The following SAP130 variants were observed in gnomAD, a reference collection of about 807,000 sequenced individuals.
The protein encoded by SAP130 is histone deacetylase complex subunit SAP130.
In SAP130, 16 loss-of-function variants were observed where a neutral mutation model predicts 103.2. That is an observed-to-expected ratio of 0.16 (90% CI 0.10 to 0.24). The LOEUF is 0.24. Ranked by LOEUF, SAP130 falls within the 10% of genes least tolerant of loss-of-function variation. The pLI is 1.00. For missense variants in SAP130, 990 were observed against 1,359.7 expected, an observed-to-expected ratio of 0.73 and a Z score of 4.28; for synonymous variants, 477 against 497.0, an observed-to-expected ratio of 0.96 and a Z score of 0.53.
At chr2:127,990,379 CAA>C (rs1682704153) in intron 12 of SAP130, among the ~76,000 whole-genome samples, 1 of 147,718 alleles carries the variant, frequency 6.8e-6, no homozygotes, top group Non-Finnish European at 1.5e-5. Flanking sequence ...AAAAAGAAAA[CAA>C]GAGCATTCAC....
chr2:128,017,546 A>T (rs1485670135), intron 3 of SAP130, 134 bp downstream of exon 3: 15 of 735,696 alleles, frequency 2.0e-5, no homozygotes, highest in Non-Finnish European at 3.1e-5. Flanking sequence ...TACAGAAAGG[A>T]GCTGAACTCA....
intron 11 of SAP130, among the ~76,000 whole-genome samples, chr2:127,993,797 C>T (rs115066287): frequency 0.011 from 1,628 of 152,150 alleles, 24 homozygotes; most frequent in African/African-American, 0.038. Context: ...CAGGCTGGAG[C>T]GTAGTGGTTA....
At chr2:128,022,833 T>G (rs1685245813) in intron 2 of SAP130, among the ~76,000 whole-genome samples, 1 of 147,662 alleles carries the variant, frequency 6.8e-6, no homozygotes, top group African/African-American at 2.5e-5. Flanking sequence ...TAAGTTCTTG[T>G]TTTTTTTTTT....
intron 6 of SAP130, among the ~76,000 whole-genome samples, chr2:128,012,060 C>T (rs995903321): frequency 2.0e-5 from 3 of 152,186 alleles, no homozygotes; most frequent in Admixed American, 6.5e-5. Context: ...ACAATCCGCC[C>T]GCCTTGGCCT....
chr2:127,987,849 T>C (rs1682510078), intron 13 of SAP130, among the ~76,000 whole-genome samples: 1 of 152,192 alleles, frequency 6.6e-6, no homozygotes, highest in Non-Finnish European at 1.5e-5. Context: ...ATATTTTAAC[T>C]ATACACTTAA....
At chr2:128,027,275 C>A (rs1239491561) in intron 1 of SAP130, 3 of 1,170,116 alleles carry the variant, frequency 2.6e-6, no homozygotes, top group Non-Finnish European at 3.2e-6. Context: ...ACCCGGCCGC[C>A]GCTGTGCTCG....
chr2:127,987,296 T>C (rs1013927114), intron 13 of SAP130, among the ~76,000 whole-genome samples: 6 of 152,226 alleles, frequency 3.9e-5, no homozygotes, highest in Non-Finnish European at 7.3e-5. Context: ...GTGATTCTCC[T>C]GCCTTAACCA....
chr2:128,016,543 G>T lies in SAP130; in HGVS notation c.353C>A (p.Pro118His). ...ACGGCTAGGCATGGTGGGCTTCGGG[G>T]GCGGCTGCAAACAGAAAACCACACA... ...LSFSEGLMKP[P>H]PKPTMPSRPI... Residue 118 changes from proline to histidine, a missense_variant, in exon 4 of 21, where the codon CCC becomes CAC. Around this residue, in one of 6 missense-constraint regions of SAP130, gnomAD observed 167 missense variants for 187.4 expected, o/e 0.89. Transcript: ENST00000643581. 6.2e-7 allele frequency: 1 copy of T among 1,609,856 alleles called. No individual in the cohort carries two copies. Among genetic ancestry groups the T allele is most frequent in the Non-Finnish European group, 8.5e-7 (1 of 1,177,806 alleles).
Position 127,955,912 on chromosome 2 carries a change from A to G in SAP130, c.2064-568T>C, listed in dbSNP as rs1401625163. On this transcript the variant is annotated intron_variant, in intron 15 of 20. Transcript: ENST00000643581. This position sits in a 1 kb window ranked among gnomAD's most constrained non-coding sequence, Gnocchi z 4.9. Reference sequence around the variant, plus strand: ...AGCAGTAATAAAATTAACTAAGAAAATAACACTTTAAAGAACTCAAAGTCA... The same window carrying G: ...AGCAGTAATAAAATTAACTAAGAAAGTAACACTTTAAAGAACTCAAAGTCA... 3.3e-5 allele frequency among the ~76,000 whole-genome samples: 5 copies of G among 152,240 alleles called. No individual in the cohort carries two copies. The highest frequency in any genetic ancestry group is 1.2e-4 in the African/African-American group (5 of 41,456).
chr2:127,963,730 G>A (rs1680436048), intron 15 of SAP130, among the ~76,000 whole-genome samples: 1 of 152,110 alleles, frequency 6.6e-6, no homozygotes. Context: ...TAGTAACTAA[G>A]TCTCATGAGA....
chr2:127,942,220 TA>T lies in SAP130; in HGVS notation c.3016-57del, dbSNP rs1274908184. The T allele has an allele frequency of 2.0e-6, 3 of 1,497,350 alleles. No homozygotes were observed. Among genetic ancestry groups the T allele is most frequent in the African/African-American group, 2.8e-5 (2 of 71,316 alleles). 92.8% of individuals were successfully genotyped at this position (1,497,350 alleles called of 1,614,324 possible). On this transcript the variant is annotated intron_variant, in intron 20 of 20. Coordinates refer to ENST00000643581, the MANE Select transcript of SAP130 (RefSeq NM_001330301.2). This position sits in a 1 kb window ranked among gnomAD's most constrained non-coding sequence, Gnocchi z 4.8. ...GTGACCATGAGGATAGTACAGCTTT[TA>T]AAAAACTGCTTGCCTTTGGGCAGAG... is the stretch of plus-strand genomic sequence containing the variant.
intron 15 of SAP130, among the ~76,000 whole-genome samples, chr2:127,957,690 A>G (rs1290522032): frequency 6.6e-6 from 1 of 151,948 alleles, no homozygotes; most frequent in Non-Finnish European, 1.5e-5. Context: ...AAAAAAAAAG[A>G]TAAGTTATGG....
At position 127,969,558 on chromosome 2, in the gene SAP130, C is replaced by A. The variant is rs541675075; in HGVS notation, c.2063+8427G>T. 1.3e-5 allele frequency among the ~76,000 whole-genome samples: 2 copies of A among 152,204 alleles called. 1 individual carries two copies. Among genetic ancestry groups the A allele is most frequent in the Non-Finnish European group, 2.9e-5 (2 of 68,040 alleles). ...CTAGAGCTACCACAACAAATCATCACAAACTGTGTGGCTTAAACAGAAGTA... is the reference window on the plus strand; with the variant it reads ...CTAGAGCTACCACAACAAATCATCAAAAACTGTGTGGCTTAAACAGAAGTA... On this transcript the variant is annotated intron_variant, in intron 15 of 20. Transcript: ENST00000643581.
At chr2:127,943,751 G>C (rs992151137) in intron 19 of SAP130, among the ~76,000 whole-genome samples, 1 of 152,204 alleles carries the variant, frequency 6.6e-6, no homozygotes, top group Non-Finnish European at 1.5e-5. Context: ...GGGTGAGCAG[G>C]GAGTGAATGT....
chr2:128,027,865 A>C, intron 1 of SAP130, 75 bp downstream of exon 1: 6 of 912,134 alleles, frequency 6.6e-6, no homozygotes, highest in Non-Finnish European at 7.9e-6. Flanking sequence ...AACGGGACGG[A>C]CGCTGCAGCC....
rs117858259 is a variant in SAP130 at position 127,942,195 on chromosome 2, G to A, written c.3016-31C>T. ...ACAGAAGACATTGCATCATCAATCA[G>A]TGACCATGAGGATAGTACAGCTTTT... On this transcript the variant is annotated intron_variant, in intron 20 of 20. Transcript: ENST00000643581. The surrounding 1 kb of genome is among the most constrained non-coding windows in gnomAD (Gnocchi z 4.8). 163 of 1,564,656 alleles carry A rather than the reference G, an allele frequency of 1.0e-4. 2 individuals are homozygous for A. In the East Asian group the frequency reaches 3.4e-3, roughly 33 times the overall value.
intron 14 of SAP130, among the ~76,000 whole-genome samples, chr2:127,984,197 G>A (rs1682198871): frequency 6.6e-6 from 1 of 151,994 alleles, no homozygotes; most frequent in Non-Finnish European, 1.5e-5. Flanking sequence ...TTCAGGACCG[G>A]TTCTTTTCTC....
intron 7 of SAP130, among the ~76,000 whole-genome samples, chr2:128,002,806 A>T (rs1011959289): frequency 3.3e-5 from 5 of 152,186 alleles, no homozygotes; most frequent in African/African-American, 1.2e-4. Flanking sequence ...AAGTACTCAA[A>T]GGCTAACGGG....
rs6730536 is a variant in SAP130, at chr2:127,965,845, T to C, written c.2064-10501A>G. ...AATTAACACAGGGAATTTAATATTA[T>C]CTATTTCCCCTTATTATTATTTCGA... is the stretch of plus-strand genomic sequence containing the variant. On this transcript the variant is annotated intron_variant, in intron 15 of 20. Transcript: ENST00000643581. Among the ~76,000 whole-genome samples the C allele has an allele frequency of 7.7e-3, 1,166 of 151,714 alleles. 14 individuals carry two copies. Among genetic ancestry groups the C allele is most frequent in the African/African-American group, 0.027 (1,109 of 41,500 alleles).
Sources: gnomAD v4.1 joint callset for allele counts (sites outside exome capture counted in the v4.1 genomes callset) on GRCh38, gnomAD v4.1.1 for gene constraint, gnomAD v4.1.1 regional missense constraint, Gnocchi (gnomAD v3.1) non-coding constraint, MANE v1.5 for transcripts, NCBI Gene and HGNC (gene_info 2026-07-23, HGNC 2026-07-21) for gene names.